PRKAG2: variants seen among roughly 807,000 people sequenced by gnomAD.
PRKAG2 encodes 5'-AMP-activated protein kinase subunit gamma-2.
Under a neutral mutation model 69.6 loss-of-function variants are expected in PRKAG2, and 26 were observed. The ratio of observed to expected loss-of-function variants is 0.37; its 90% confidence interval spans 0.27 to 0.52. PRKAG2 has a LOEUF of 0.52. PRKAG2 is among the 20% of genes least tolerant of loss of function. PRKAG2 has a pLI of 0.90. For missense variants in PRKAG2, 557 were observed against 740.0 expected (o/e 0.75, Z 2.87); for synonymous variants, 293 against 285.0 (o/e 1.03, Z -0.28).
intron 1 of PRKAG2, among the ~76,000 whole-genome samples, chr7:151,854,735 T>C (rs2079661119): frequency 6.6e-6 from 1 of 152,158 alleles, no homozygotes; most frequent in African/African-American, 2.4e-5. Flanking sequence ...TCAGGGTGCC[T>C]GGTCCTTAGG....
chr7:151,651,574 T>C (rs1187391308), intron 4 of PRKAG2, among the ~76,000 whole-genome samples: 1 of 152,090 alleles, frequency 6.6e-6, no homozygotes, highest in Non-Finnish European at 1.5e-5. Context: ...GCCACTGCAC[T>C]CCAGCCTAGG....
intron 1 of PRKAG2, among the ~76,000 whole-genome samples, chr7:151,870,578 C>T (rs559773397): frequency 5.3e-5 from 8 of 152,336 alleles, no homozygotes; most frequent in African/African-American, 1.2e-4. Flanking sequence ...CCATCCGGAG[C>T]GTTTCAGTGG....
chr7:151,731,185 C>T (rs141936800), intron 3 of PRKAG2, among the ~76,000 whole-genome samples: 21 of 152,316 alleles, frequency 1.4e-4, no homozygotes, highest in African/African-American at 4.1e-4. Flanking sequence ...TACCCTTTGT[C>T]GACATAATCT....
intron 4 of PRKAG2, among the ~76,000 whole-genome samples, chr7:151,673,099 T>C (rs777057912): frequency 1.3e-5 from 2 of 152,164 alleles, no homozygotes; most frequent in Non-Finnish European, 1.5e-5. Context: ...TATTCTCTTT[T>C]CTTTCAACTG....
chr7:151,661,933 A>G (rs553666721), intron 4 of PRKAG2, among the ~76,000 whole-genome samples: 26 of 152,324 alleles, frequency 1.7e-4, no homozygotes, highest in African/African-American at 6.3e-4. Context: ...GTGCTTATGA[A>G]TTAGGGGACA....
chr7:151,801,364 T>C (rs981378149), intron 1 of PRKAG2, among the ~76,000 whole-genome samples: 2 of 152,064 alleles, frequency 1.3e-5, no homozygotes, highest in African/African-American at 4.8e-5. Context: ...GCAAGGAAGC[T>C]GGGAGAAGGG....
chr7:151,572,007 C>T (rs1346155936), intron 9 of PRKAG2, among the ~76,000 whole-genome samples: 3 of 152,292 alleles, frequency 2.0e-5, no homozygotes, highest in East Asian at 3.9e-4. Flanking sequence ...TGATTCCCAC[C>T]CCCGGTCCTC....
At chr7:151,563,344 A>T (rs1805516125) in intron 14 of PRKAG2, among the ~76,000 whole-genome samples, 1 of 152,206 alleles carries the variant, frequency 6.6e-6, no homozygotes. Context: ...AGTAAAGTCT[A>T]AGGAAATTGG....
chr7:151,644,628 T>C (rs1827268168), intron 4 of PRKAG2, among the ~76,000 whole-genome samples: 1 of 152,230 alleles, frequency 6.6e-6, no homozygotes, highest in African/African-American at 2.4e-5. Flanking sequence ...TTTTGACCAT[T>C]GGGAATAAAG....
At chr7:151,575,905 A>AAG (rs1808797057) in intron 7 of PRKAG2, among the ~76,000 whole-genome samples, 1 of 151,288 alleles carries the variant, frequency 6.6e-6, no homozygotes, top group Non-Finnish European at 1.5e-5. Context: ...GCAAAAAAAA[A>AAG]AAAAAAAAGA....
At chr7:151,800,450 C>A (rs2077781087) in intron 1 of PRKAG2, among the ~76,000 whole-genome samples, 2 of 152,174 alleles carry the variant, frequency 1.3e-5, no homozygotes. Flanking sequence ...CCCTCCAGCT[C>A]CTCCAAGGCC....
intron 3 of PRKAG2, among the ~76,000 whole-genome samples, chr7:151,731,039 G>C (rs1798845827): frequency 6.6e-6 from 1 of 152,210 alleles, no homozygotes; most frequent in Non-Finnish European, 1.5e-5. Context: ...GAGCCCTTAA[G>C]ACGCTAAATG....
At chr7:151,822,792 A>T (rs1445435249) in intron 1 of PRKAG2, among the ~76,000 whole-genome samples, 1 of 152,176 alleles carries the variant, frequency 6.6e-6, no homozygotes, top group Admixed American at 6.5e-5. Flanking sequence ...ACCCTGGGTC[A>T]GGTGACAGGG....
intron 3 of PRKAG2, among the ~76,000 whole-genome samples, chr7:151,762,370 C>T (rs1337350622): frequency 1.3e-5 from 2 of 152,178 alleles, no homozygotes; most frequent in African/African-American, 2.4e-5. Flanking sequence ...TACTCACACA[C>T]ATATGTTAAT....
chr7:151,862,683 A>G (rs1378548976), intron 1 of PRKAG2, among the ~76,000 whole-genome samples: 1 of 152,224 alleles, frequency 6.6e-6, no homozygotes, highest in Non-Finnish European at 1.5e-5. Flanking sequence ...TCGAAAGAAA[A>G]ATCGTGAGAT....
rs1796743799 is a variant in PRKAG2, at chr7:151,719,782, G to A, written c.467-44145C>T. Among the ~76,000 whole-genome samples the A allele has an allele frequency of 7.5e-6, 1 of 133,242 alleles. No homozygotes were observed. Among genetic ancestry groups the A allele is most frequent in the Admixed American group, 7.4e-5 (1 of 13,480 alleles). 87.4% of individuals were successfully genotyped at this position (133,242 alleles called of 152,430 possible). ...CTGATCTGTTCTCAACAAGAAACTG[G>A]AGCCTGCCCCTCCTCCCCCTGAGTT... On this transcript the variant is annotated intron_variant, in intron 3 of 15. Transcript: ENST00000287878. The surrounding 1 kb of genome is among the most constrained non-coding windows in gnomAD (Gnocchi z 5.2).
At chr7:151,752,317 T>A (rs1337042533) in intron 3 of PRKAG2, among the ~76,000 whole-genome samples, 1 of 152,172 alleles carries the variant, frequency 6.6e-6, no homozygotes, top group Non-Finnish European at 1.5e-5. Context: ...AACCAAGTGC[T>A]GCATGTTCTC....
chr7:151,776,737 A>G (rs1198556640), intron 3 of PRKAG2, among the ~76,000 whole-genome samples: 1 of 152,236 alleles, frequency 6.6e-6, no homozygotes, highest in Non-Finnish European at 1.5e-5. Flanking sequence ...GGGGCAGTGC[A>G]GGCACCCTAG....
chr7:151,760,394 C>T lies in PRKAG2; in HGVS notation c.466+20758G>A, dbSNP rs534123402. Among the ~76,000 whole-genome samples the T allele has an allele frequency of 2.5e-3, 373 of 152,184 alleles. 1 individual carries two copies. The highest frequency in any genetic ancestry group is 3.7e-3 in the Non-Finnish European group (250 of 68,022). On this transcript the variant is annotated intron_variant, in intron 3 of 15. Transcript: ENST00000287878. Reference sequence around the variant, plus strand: ...TGGGATTACAGGCACCCACCATGCCCGGCTAATTTTTGTATTTTTAGTAGA... The same window carrying T: ...TGGGATTACAGGCACCCACCATGCCTGGCTAATTTTTGTATTTTTAGTAGA...
Sources: allele counts gnomAD v4.1 joint callset (sites outside exome capture counted in the v4.1 genomes callset), GRCh38; gene constraint gnomAD v4.1.1; non-coding constraint Gnocchi (gnomAD v3.1); transcripts MANE v1.5; gene names NCBI Gene and HGNC (gene_info 2026-07-23, HGNC 2026-07-21).